GPR158: variants seen among roughly 807,000 people sequenced by gnomAD.
The protein encoded by GPR158 is metabotropic glycine receptor.
In GPR158, 30 loss-of-function variants were observed where a neutral mutation model predicts 78.2. The observed-to-expected ratio is 0.38, with a 90% confidence interval of 0.29 to 0.52. The LOEUF is 0.52. Ranked by LOEUF, GPR158 falls within the 20% of genes least tolerant of loss-of-function variation. The pLI, the probability that GPR158 is intolerant of heterozygous loss-of-function variation, is 0.83. For missense variants in GPR158, 1,463 were observed against 1,523.5 expected, an observed-to-expected ratio of 0.96 and a Z score of 0.66; for synonymous variants, 581 against 591.1, an observed-to-expected ratio of 0.98 and a Z score of 0.25.
At position 25,301,319 on chromosome 10, in the gene GPR158, A is replaced by G. The variant is rs73608268; in HGVS notation, c.1008+80162A>G. On this transcript the variant is annotated intron_variant, in intron 2 of 10. Transcript: ENST00000376351. ...TTTTAAGATCCTAGCTTCTAGCATT[A>G]ATAGTCCCAAAGGATAGTCCAGTTC... Among the ~76,000 whole-genome samples the G allele has an allele frequency of 7.6e-3, 1,150 of 152,260 alleles. 13 individuals are homozygous for G. Among genetic ancestry groups the G allele is most frequent in the African/African-American group, 0.027 (1,102 of 41,536 alleles).
chr10:25,433,572 C>CGT (rs1185853539), intron 4 of GPR158, among the ~76,000 whole-genome samples: 88 of 99,056 alleles, frequency 8.9e-4, no homozygotes, highest in African/African-American at 1.7e-3. Context: ...TGTGTGTGTG[C>CGT]GCGCGCGCGT....
chr10:25,476,315 C>T (rs1835582799), intron 5 of GPR158, among the ~76,000 whole-genome samples: 1 of 151,184 alleles, frequency 6.6e-6, no homozygotes, highest in African/African-American at 2.4e-5. Context: ...TAGTAAAGCA[C>T]ATTCTTTGTA....
At chr10:25,408,843 T>C (rs1417465571) in intron 3 of GPR158, among the ~76,000 whole-genome samples, 1 of 152,206 alleles carries the variant, frequency 6.6e-6, no homozygotes, top group African/African-American at 2.4e-5. Flanking sequence ...GCCGTTGAGG[T>C]GTGCCTTTCT....
intron 2 of GPR158, among the ~76,000 whole-genome samples, chr10:25,365,854 G>A (rs528832647): frequency 1.3e-5 from 2 of 151,438 alleles, no homozygotes; most frequent in Admixed American, 6.6e-5. Context: ...ACTCCAGAAG[G>A]CCTCCTTATG....
At chr10:25,424,739 C>T (rs559975556) in intron 4 of GPR158, among the ~76,000 whole-genome samples, 1 of 152,078 alleles carries the variant, frequency 6.6e-6, no homozygotes, top group Admixed American at 6.5e-5. Flanking sequence ...TTCCATTGAT[C>T]TATATCTCTG....
intron 2 of GPR158, among the ~76,000 whole-genome samples, chr10:25,328,579 A>G (rs1855069055): frequency 1.3e-5 from 2 of 152,286 alleles, no homozygotes; most frequent in East Asian, 1.9e-4. Flanking sequence ...TTAAAAGTCA[A>G]TGTGTCCAGT....
intron 5 of GPR158, among the ~76,000 whole-genome samples, chr10:25,496,112 C>T (rs1483972041): frequency 6.6e-6 from 1 of 152,152 alleles, no homozygotes; most frequent in Non-Finnish European, 1.5e-5. Flanking sequence ...AAGGCTAATT[C>T]AGTACTTTAT....
chr10:25,589,128 T>C lies in GPR158; in HGVS notation c.1875T>C (p.Ala625=), dbSNP rs778299411. ...VAVHNELIIS[A]IFHTIRFVLA... ...TTCACAATGAGCTCATCATCTCTGC[T>C]ATATTCCATACAATTAGGCAAGTGA... Residue 625 remains alanine, a synonymous_variant, in exon 8 of 11, where the codon GCT becomes GCC. Transcript: ENST00000376351. 6.2e-6 allele frequency: 10 copies of C among 1,608,952 alleles called. No individual in the cohort carries two copies. In the South Asian group the frequency reaches 1.0e-4, roughly 16 times the overall value.
At chr10:25,320,413 C>CAG (rs1320048489) in intron 2 of GPR158, among the ~76,000 whole-genome samples, 3 of 152,188 alleles carry the variant, frequency 2.0e-5, no homozygotes, top group Non-Finnish European at 4.4e-5. Context: ...GCTGCCTGGA[C>CAG]CATCTGTGGG....
intron 3 of GPR158, among the ~76,000 whole-genome samples, chr10:25,402,199 A>T (rs1248799581): frequency 6.6e-6 from 1 of 152,086 alleles, no homozygotes. Context: ...TCTAATCATG[A>T]GGAAATATCA....
At chr10:25,269,014 C>T (rs1015607529) in intron 2 of GPR158, among the ~76,000 whole-genome samples, 1 of 152,112 alleles carries the variant, frequency 6.6e-6, no homozygotes, top group African/African-American at 2.4e-5. Flanking sequence ...ACAAATTCTT[C>T]TTGTCTCATT....
At chr10:25,288,227 G>C (rs1378649605) in intron 2 of GPR158, among the ~76,000 whole-genome samples, 1 of 152,144 alleles carries the variant, frequency 6.6e-6, no homozygotes, top group Non-Finnish European at 1.5e-5. Context: ...CTAAATAGTA[G>C]ATTTGGGGGT....
chr10:25,584,590 A>G (rs1837243908), intron 7 of GPR158, among the ~76,000 whole-genome samples: 1 of 152,228 alleles, frequency 6.6e-6, no homozygotes, highest in Non-Finnish European at 1.5e-5. Flanking sequence ...GGTAAGTAGC[A>G]GGAGATACTG....
intron 5 of GPR158, among the ~76,000 whole-genome samples, chr10:25,521,098 G>A (rs575691257): frequency 4.6e-5 from 7 of 152,346 alleles, no homozygotes; most frequent in African/African-American, 9.6e-5. Flanking sequence ...TCGGAAAAGC[G>A]CAGTATTCGG....
intron 2 of GPR158, among the ~76,000 whole-genome samples, chr10:25,339,410 C>G (rs917073251): frequency 2.0e-5 from 3 of 151,960 alleles, no homozygotes; most frequent in Non-Finnish European, 2.9e-5. Context: ...CTTTGTGATT[C>G]TCTTAGGGTT....
chr10:25,295,574 C>A (rs111249344), intron 2 of GPR158, among the ~76,000 whole-genome samples: 1 of 152,032 alleles, frequency 6.6e-6, no homozygotes, highest in Non-Finnish European at 1.5e-5. Context: ...CCACTACGCC[C>A]GGCTAATTTT....
At chr10:25,323,181 T>TCAGTAAGCCATGCTATACA (rs1353528354) in intron 2 of GPR158, among the ~76,000 whole-genome samples, 1 of 152,162 alleles carries the variant, frequency 6.6e-6, no homozygotes, top group Non-Finnish European at 1.5e-5. Flanking sequence ...CTTAAAATAT[T>TCAGTAAGCCATGCTATACA]CAGTAAGCCA....
intron 1 of GPR158, among the ~76,000 whole-genome samples, chr10:25,189,386 A>G (rs906916199): frequency 6.6e-6 from 1 of 152,236 alleles, no homozygotes; most frequent in Non-Finnish European, 1.5e-5. Flanking sequence ...AACCAACCCA[A>G]AAATGTCCAT....
In GPR158 at chr10:25,412,329, G is replaced by A. The variant is rs750550148; in HGVS notation, c.1191G>A (p.Glu397=). 3.7e-6 allele frequency: 6 copies of A among 1,614,014 alleles called. No homozygotes were observed. In the Admixed American group the frequency reaches 8.3e-5, roughly 22 times the overall value. Residue 397 remains glutamate, a synonymous_variant, in exon 4 of 11, where the codon GAG becomes GAA. Transcript: ENST00000376351. Reference sequence around the variant, plus strand: ...CCTATGTCTGCCTACCTTGCAGGGAGGGCTGCCCCTTCTGTGCTGATGACA... The same window carrying A: ...CCTATGTCTGCCTACCTTGCAGGGAAGGCTGCCCCTTCTGTGCTGATGACA... ...EEAYVCLPCR[E]GCPFCADDSP...
Sources: gnomAD v4.1 joint callset for allele counts (sites outside exome capture counted in the v4.1 genomes callset) on GRCh38, gnomAD v4.1.1 for gene constraint, MANE v1.5 for transcripts, NCBI Gene and HGNC (gene_info 2026-07-23, HGNC 2026-07-21) for gene names.